UGT2B7: variants seen among roughly 807,000 people sequenced by gnomAD.
UGT2B7 encodes UDP-glucuronosyltransferase 2B7.
In UGT2B7, 51 loss-of-function variants were observed where a neutral mutation model predicts 51.9. The observed-to-expected ratio is 0.98, with a 90% CI of 0.78 to 1.24. The LOEUF is 1.24. UGT2B7 is among the 50% of genes most tolerant of loss of function. UGT2B7 has a pLI of 0.00. For missense variants in UGT2B7, 727 were observed against 628.4 expected (o/e 1.16, Z -1.68); for synonymous variants, 225 against 211.6 (o/e 1.06, Z -0.55).
At chr4:69,105,753 T>G (rs1719576093) in intron 3 of UGT2B7, among the ~76,000 whole-genome samples, 1 of 152,204 alleles carries the variant, frequency 6.6e-6, no homozygotes, top group Non-Finnish European at 1.5e-5. Context: ...GCTTGATAAT[T>G]TATAATTCCA....
At chr4:69,108,425 G>C (rs1037133083) in intron 5 of UGT2B7, 103 bp downstream of exon 5, 2 of 1,321,602 alleles carry the variant, frequency 1.5e-6, no homozygotes, top group Non-Finnish European at 2.0e-6. Flanking sequence ...AATTTTGAAA[G>C]AATTTAAATG....
chr4:69,103,039 C>A, intron 3 of UGT2B7, 101 bp downstream of exon 3: 1 of 1,516,658 alleles, frequency 6.6e-7, no homozygotes, highest in Non-Finnish European at 8.8e-7. Flanking sequence ...TGAAGTTGAC[C>A]AAAAGTTGAA....
chr4:69,078,700 C>T (rs1291368544), intron 1 of UGT2B7, among the ~76,000 whole-genome samples: 1 of 152,092 alleles, frequency 6.6e-6, no homozygotes, highest in Admixed American at 6.6e-5. Context: ...CCTATCAGCC[C>T]TAATCTGCTG....
chr4:69,069,219 C>A (rs7658748), intron 1 of UGT2B7, among the ~76,000 whole-genome samples: 1 of 151,742 alleles, frequency 6.6e-6, no homozygotes, highest in Non-Finnish European at 1.5e-5. Flanking sequence ...TCTTGGTCAG[C>A]GCCAACTTCT....
chr4:69,074,519 T>A (rs186116582), intron 1 of UGT2B7, among the ~76,000 whole-genome samples: 1 of 151,338 alleles, frequency 6.6e-6, no homozygotes, highest in Admixed American at 6.6e-5. Context: ...TCCAACTGCG[T>A]GTCACTGGTT....
intron 5 of UGT2B7, among the ~76,000 whole-genome samples, chr4:69,111,645 AT>A (rs2109896889): frequency 6.6e-6 from 1 of 152,330 alleles, no homozygotes; most frequent in Non-Finnish European, 1.5e-5. Context: ...TGATTATTTC[AT>A]ATTGTATCAA....
chr4:69,084,651 T>C (rs1347184209), intron 1 of UGT2B7, among the ~76,000 whole-genome samples: 1 of 152,062 alleles, frequency 6.6e-6, no homozygotes, highest in Non-Finnish European at 1.5e-5. Context: ...CAGTGTGTGA[T>C]GTATCCCTCC....
intron 2 of UGT2B7, chr4:69,089,613 A>T (rs1487100102): frequency 6.5e-6 from 1 of 152,952 alleles, no homozygotes; most frequent in Non-Finnish European, 1.5e-5. Flanking sequence ...GGTGAGTACA[A>T]CGTCCAATCC....
chr4:69,092,393 C>T (rs1286541159), upstream of UGT2B7, among the ~76,000 whole-genome samples: 1 of 152,078 alleles, frequency 6.6e-6, no homozygotes, highest in Non-Finnish European at 1.5e-5. Flanking sequence ...GGAAATGAAT[C>T]ATTACAGAGT....
chr4:69,109,000 G>GT (rs1233493590), intron 5 of UGT2B7, among the ~76,000 whole-genome samples: 1 of 150,468 alleles, frequency 6.6e-6, no homozygotes, highest in African/African-American at 2.4e-5. Flanking sequence ...ACAGTTTAGG[G>GT]TGTTGTGAAA....
chr4:69,096,374 G>A (rs1233538841), upstream of UGT2B7: 3 of 1,288,404 alleles, frequency 2.3e-6, no homozygotes, highest in Admixed American at 7.7e-5. Flanking sequence ...CCATCCACAT[G>A]CTCAGACTGT....
intron 1 of UGT2B7, among the ~76,000 whole-genome samples, chr4:69,063,262 T>C (rs1199853971): frequency 2.3e-5 from 3 of 131,420 alleles, no homozygotes; most frequent in Admixed American, 9.5e-5. Context: ...GAGCTTGCAG[T>C]GAGCCGAGAT....
chr4:69,110,076 A>C (rs1719728878), intron 5 of UGT2B7, among the ~76,000 whole-genome samples: 1 of 152,124 alleles, frequency 6.6e-6, no homozygotes, highest in Admixed American at 6.6e-5. Context: ...AGTAATTAGT[A>C]AAGACATAAA....
At chr4:69,075,347 TGTTC>T (rs1471511969) in intron 1 of UGT2B7, among the ~76,000 whole-genome samples, 2 of 152,170 alleles carry the variant, frequency 1.3e-5, no homozygotes, top group East Asian at 1.9e-4. Context: ...TCTCTGTCTC[TGTTC>T]GTCTGTCTGT....
chr4:69,060,492 C>T (rs1718320546), intron 1 of UGT2B7, among the ~76,000 whole-genome samples: 2 of 152,208 alleles, frequency 1.3e-5, no homozygotes, highest in Non-Finnish European at 2.9e-5. Context: ...TTAAGGAAAT[C>T]AAAGAAGCCT....
chr4:69,112,587 C>A lies in UGT2B7; in HGVS notation c.1441C>A (p.His481Asn), dbSNP rs1416848369. ...AGCTAAACACCTTCGGGTTGCAGCC[C>A]ACGACCTCACCTGGTTCCAGTACCA... ...KGAKHLRVAA[H>N]DLTWFQYHSL... The change falls in exon 6 of 6, where the codon CAC becomes AAC. Residue 481 changes from histidine to asparagine, a missense_variant. Coordinates refer to ENST00000305231, the MANE Select transcript of UGT2B7 (RefSeq NM_001074.4). 6.2e-6 allele frequency: 10 copies of A among 1,613,952 alleles called. No homozygotes were observed. The highest frequency in any genetic ancestry group is 8.5e-6 in the Non-Finnish European group (10 of 1,179,882).
At chr4:69,093,585 G>C (rs977771010), upstream of UGT2B7, among the ~76,000 whole-genome samples, 13 of 152,128 alleles carry the variant, frequency 8.5e-5, 1 homozygote, top group Non-Finnish European at 1.9e-4. Context: ...GTATCTAAAG[G>C]CATCACGTCT....
chr4:69,052,983 T>C (rs1056976679), intron 1 of UGT2B7, among the ~76,000 whole-genome samples: 1 of 152,210 alleles, frequency 6.6e-6, no homozygotes, highest in Non-Finnish European at 1.5e-5. Context: ...TGTGTAAACA[T>C]ATTAGCTAAA....
In UGT2B7 at chr4:69,107,191, A is replaced by G. The variant is rs1719626056; in HGVS notation, c.1019A>G (p.Asp340Gly). The change falls in exon 4 of 6, where the codon GAT becomes GGT. Residue 340 changes from aspartate (D) to glycine (G), a missense_variant. By Grantham distance (94) the Asp-to-Gly change is moderately conservative (BLOSUM62 -1). Transcript: ENST00000305231. The part of the protein sequence containing the change: ...QIPQKVLWRF[D>G]GNKPDTLGLN... ...TTGTAACAGGTTCTGTGGAGATTTGATGGGAATAAACCAGATACCTTAGGT... is the reference window on the plus strand; with the variant it reads ...TTGTAACAGGTTCTGTGGAGATTTGGTGGGAATAAACCAGATACCTTAGGT... 4 of 1,608,826 alleles carry G rather than the reference A, an allele frequency of 2.5e-6. No individual in the cohort carries two copies. In the East Asian group the frequency reaches 6.7e-5, roughly 27 times the overall value.
Sources: allele counts gnomAD v4.1 joint callset (sites outside exome capture counted in the v4.1 genomes callset), GRCh38; gene constraint gnomAD v4.1.1; transcripts MANE v1.5; gene names NCBI Gene and HGNC (gene_info 2026-07-23, HGNC 2026-07-21).